Variants in ADSL observed in about 807,000 individuals in gnomAD.
ADSL encodes the protein adenylosuccinate lyase.
Under a neutral mutation model 62.1 loss-of-function variants are expected in ADSL, and 44 were observed. The observed-to-expected ratio is 0.71, with a 90% CI of 0.56 to 0.91. The LOEUF (loss-of-function observed/expected upper bound fraction) is 0.91, where lower values mean the gene tolerates loss of function less well. ADSL is among the 40% of genes least tolerant of loss of function. The pLI is 0.00. For synonymous variants in ADSL, 198 were observed against 220.5 expected (o/e 0.90, Z 0.90); for missense variants, 531 against 627.4 (o/e 0.85, Z 1.64).
At chr22:40,361,186 CA>C in intron 7 of ADSL, 86 bp from the exon 8 acceptor site, 1 of 1,262,804 alleles carries the variant, frequency 7.9e-7, no homozygotes, top group East Asian at 2.3e-5. Context: ...CCTAAGAGCT[CA>C]TCTCCTTCAT....
intron 2 of ADSL, among the ~76,000 whole-genome samples, chr22:40,374,600 G>A (rs2046232498): frequency 6.6e-6 from 1 of 152,214 alleles, no homozygotes; most frequent in Non-Finnish European, 1.5e-5. Context: ...CTGTTGAATG[G>A]GGCCCAGTAC....
At position 40,353,513 on chromosome 22, in the gene ADSL, A is replaced by G. The variant is rs1279134576; in HGVS notation, c.402+396A>G. The G allele has an allele frequency of 6.1e-5, 40 of 657,736 alleles. No individual in the cohort carries two copies. In the South Asian group the frequency reaches 6.2e-4, roughly 10 times the overall value. 40.7% of individuals were successfully genotyped at this position (657,736 alleles called of 1,614,324 possible). A position where few individuals can be genotyped will look rare whatever the true frequency, so the allele number is the denominator to read the frequency against. ...TGCCCAGGCTGGTCTCAAACTCCTG[A>G]GCTCAAGGGATCCACCCGTCTTGGC... On this transcript the variant is annotated intron_variant, in intron 3 of 12. Coordinates refer to ENST00000623063, the MANE Select transcript of ADSL (RefSeq NM_000026.4).
chr22:40,376,916 C>T (rs2046728582), intron 2 of ADSL, among the ~76,000 whole-genome samples: 1 of 152,154 alleles, frequency 6.6e-6, no homozygotes, highest in African/African-American at 2.4e-5. Flanking sequence ...AAGCATTTTG[C>T]ACACATTTTC....
chr22:40,346,597 C>T lies in ADSL; in HGVS notation c.39C>T (p.Tyr13=), dbSNP rs762989462. 6.2e-7 allele frequency: 1 copy of T among 1,607,706 alleles called. No individual in the cohort carries two copies. The highest frequency in any genetic ancestry group is 1.7e-5 in the Admixed American group (1 of 59,220). ...AGGDHGSPDS[Y]RSPLASRYAS... is the part of the protein sequence containing the mutation. ...GCGATCATGGTTCGCCCGACAGCTACCGCTCACCTCTTGCCTCCCGCTATG... is the reference window on the plus strand; with the variant it reads ...GCGATCATGGTTCGCCCGACAGCTATCGCTCACCTCTTGCCTCCCGCTATG... Residue 13 remains tyrosine, a synonymous_variant, in exon 1 of 13, where the codon TAC becomes TAT. Coordinates refer to ENST00000623063, the MANE Select transcript of ADSL (RefSeq NM_000026.4).
rs772989069 is a variant in ADSL, at chr22:40,359,310, G to A, written c.701+4G>A. ...CAGAAAAGGCAGGATTTAAGAGGTA[G>A]GTAAATGGGAATGTGTTGGCCTCCC... On this transcript the variant is annotated splice_donor_region_variant and intron_variant, in intron 6 of 12. Transcript: ENST00000623063. 6.2e-7 allele frequency: 1 copy of A among 1,613,948 alleles called. No homozygotes were observed. Among genetic ancestry groups the A allele is most frequent in the Non-Finnish European group, 8.5e-7 (1 of 1,179,892 alleles).
At chr22:40,371,531 CGTA>C (rs1427093998), downstream of ADSL, among the ~76,000 whole-genome samples, 1 of 152,138 alleles carries the variant, frequency 6.6e-6, no homozygotes, top group Non-Finnish European at 1.5e-5. Context: ...CTCGTTTACT[CGTA>C]GTTTTTGTGA....
chr22:40,370,867 C>T (rs1264309798), downstream of ADSL, among the ~76,000 whole-genome samples: 1 of 152,106 alleles, frequency 6.6e-6, no homozygotes, highest in South Asian at 2.1e-4. Context: ...CTCGCGTCGC[C>T]GTTGGAATGG....
In ADSL at chr22:40,362,956, TACTG is replaced by T. The variant is rs767894204; in HGVS notation, c.1011-23_1011-20del. On this transcript the variant is annotated intron_variant, in intron 9 of 12. Transcript: ENST00000623063. ...CACTGAAATTATTTGTTTAAAGACA[TACTG>T]AATGGCTATTTGTTTTCTAGACGGA... The T allele has an allele frequency of 2.6e-5, 41 of 1,592,754 alleles. No individual in the cohort carries two copies. In the African/African-American group the frequency reaches 5.0e-4, roughly 19 times the overall value.
At chr22:40,361,132 G>A in intron 7 of ADSL, 141 bp from the exon 8 acceptor site, 1 of 813,450 alleles carries the variant, frequency 1.2e-6, no homozygotes, top group Non-Finnish European at 2.2e-6. Flanking sequence ...CTCTGCAGGA[G>A]CTCTTTGGGA....
Position 40,354,305 on chromosome 22 carries a change from A to G in ADSL, c.460A>G (p.Thr154Ala). The G allele has an allele frequency of 6.2e-7, 1 of 1,614,170 alleles. No homozygotes were observed. The highest frequency in any genetic ancestry group is 1.1e-5 in the South Asian group (1 of 91,090). Residue 154 changes from threonine (T) to alanine (A), a missense_variant, in exon 4 of 13, where the codon ACA becomes GCA. Physicochemically the swap from Thr to Ala is moderately conservative, Grantham distance 58. Around this residue, in one of 2 missense-constraint regions of ADSL, gnomAD observed 471 missense variants for 592.9 expected, o/e 0.79. Transcript: ENST00000623063. ...DFAKERASLP[T>A]LGFTHFQPAQ... ...TGCTAAGGAACGAGCCAGTCTACCC[A>G]CATTAGGTTTCACACATTTCCAGTA...
intron 5 of ADSL, 79 bp from the exon 6 acceptor site, chr22:40,359,181 A>G (rs2044675640): frequency 6.3e-7 from 1 of 1,590,126 alleles, no homozygotes; most frequent in East Asian, 2.2e-5. Flanking sequence ...AGGGAGCGAG[A>G]CCTGGGTAGG....
chr22:40,347,458 T>A (rs1332493188), intron 1 of ADSL: 1 of 152,224 alleles, frequency 6.6e-6, no homozygotes, highest in Non-Finnish European at 1.5e-5. Flanking sequence ...TGAAGCAAAC[T>A]GAAGGTGATC....
In ADSL at chr22:40,356,897, T is replaced by G. The variant is rs549864795; in HGVS notation, c.483-1967T>G. Among the ~76,000 whole-genome samples, 5 of 152,228 alleles carry G rather than the reference T, an allele frequency of 3.3e-5. No homozygotes were observed. In the East Asian group the frequency reaches 9.6e-4, roughly 29 times the overall value. On this transcript the variant is annotated intron_variant, in intron 4 of 12. Transcript: ENST00000623063. ...AACTTATTCATAATTATATATTTTG[T>G]TTTTTTGTTTTGTTTTGAGACAGAG...
chr22:40,366,139 G>A (rs2044996669), intron 12 of ADSL, among the ~76,000 whole-genome samples: 1 of 152,060 alleles, frequency 6.6e-6, no homozygotes, highest in East Asian at 1.9e-4. Flanking sequence ...AAGAGGGCTG[G>A]GAAGCAGGAG....
chr22:40,376,776 GTTT>G (rs1157116542), intron 2 of ADSL, among the ~76,000 whole-genome samples: 5 of 152,068 alleles, frequency 3.3e-5, no homozygotes, highest in Non-Finnish European at 1.5e-5. Flanking sequence ...CACCTTCATA[GTTT>G]TTTGTTTTTT....
chr22:40,359,177 C>A, intron 5 of ADSL, 83 bp from the exon 6 acceptor site: 1 of 1,583,628 alleles, frequency 6.3e-7, no homozygotes, highest in Non-Finnish European at 8.7e-7. Context: ...GGTTAGGGAG[C>A]GAGACCTGGG....
At chr22:40,370,261 C>T (rs1342802463), downstream of ADSL, among the ~76,000 whole-genome samples, 1 of 148,288 alleles carries the variant, frequency 6.7e-6, no homozygotes, top group Non-Finnish European at 1.5e-5. Context: ...GAGGCTGAGG[C>T]AGAGAACTGA....
At position 40,361,258 on chromosome 22, in the gene ADSL, C is replaced by G. The variant is rs2044772813; in HGVS notation, c.793-15C>G. Reference sequence around the variant, plus strand: ...TGACAGTGTGGGGTGATGCTTATTCCCCTACCTCCCCCAGATTTGCACCGA... The same window carrying G: ...TGACAGTGTGGGGTGATGCTTATTCGCCTACCTCCCCCAGATTTGCACCGA... On this transcript the variant is annotated splice_polypyrimidine_tract_variant and intron_variant, in intron 7 of 12. Coordinates refer to ENST00000623063, the MANE Select transcript of ADSL (RefSeq NM_000026.4). The G allele has an allele frequency of 1.2e-6, 2 of 1,613,262 alleles. No homozygotes were observed. The highest frequency in any genetic ancestry group is 2.2e-5 in the South Asian group (2 of 91,056).
intron 7 of ADSL, 47 bp from the exon 8 acceptor site, chr22:40,361,226 T>C: frequency 6.4e-7 from 1 of 1,556,976 alleles, no homozygotes; most frequent in South Asian, 1.1e-5. Context: ...CAGACTCTAC[T>C]GCACACTGAC....
Sources: gnomAD v4.1 joint callset for allele counts (sites outside exome capture counted in the v4.1 genomes callset) on GRCh38, gnomAD v4.1.1 for gene constraint, gnomAD v4.1.1 regional missense constraint, MANE v1.5 for transcripts, NCBI Gene and HGNC (gene_info 2026-07-23, HGNC 2026-07-21) for gene names.